The following PEG3 variants were observed in gnomAD, a reference collection of about 807,000 sequenced individuals.
PEG3 encodes paternally-expressed gene 3 protein.
PEG3 carries 23 observed loss-of-function variants against 35.5 expected under a neutral mutation model. The ratio of observed to expected loss-of-function variants is 0.65; its 90% CI spans 0.47 to 0.92. The LOEUF (loss-of-function observed/expected upper bound fraction) is 0.92. PEG3 is among the 40% of genes least tolerant of loss of function. The pLI is 0.00. For synonymous variants in PEG3, 707 were observed against 697.0 expected (o/e 1.01, Z -0.23); for missense variants, 1,960 against 1,985.3 (o/e 0.99, Z 0.24).
chr19:56,831,676 C>A lies in PEG3; in HGVS notation c.-163+4342G>T, dbSNP rs113229853. On this transcript the variant is annotated intron_variant, in intron 2 of 9. Transcript: ENST00000326441. The stretch of plus-strand genomic sequence containing the variant: ...AAGTATTTAGCAAAATGTTACATAA[C>A]CATTAAGTCGTGTTGTCAAGGAATG... Among the ~76,000 whole-genome samples, 1,349 of 152,296 alleles carry A rather than the reference C, an allele frequency of 8.9e-3. 19 individuals carry two copies. The highest frequency in any genetic ancestry group is 0.03 in the African/African-American group (1,234 of 41,554).
chr19:56,822,940 C>A, intron 5 of PEG3, 104 bp from the exon 6 acceptor site: 1 of 1,462,674 alleles, frequency 6.8e-7, no homozygotes, highest in Non-Finnish European at 9.3e-7. Context: ...ACCCTCTTCC[C>A]ACAAGGAGAT....
chr19:56,821,499 T>C, intron 7 of PEG3, 152 bp downstream of exon 7: 2 of 893,258 alleles, frequency 2.2e-6, no homozygotes, highest in South Asian at 3.4e-5. Flanking sequence ...ACTTGTCACC[T>C]AAGGGATGGG....
chr19:56,821,998 T>C (rs964595451), intron 6 of PEG3, among the ~76,000 whole-genome samples: 1 of 152,018 alleles, frequency 6.6e-6, no homozygotes, highest in African/African-American at 2.4e-5. Flanking sequence ...CGGAGGTGGT[T>C]CAGATTGTGC....
rs375493638 is a variant in PEG3 at position 56,832,162 on chromosome 19, A to G, written c.-163+3856T>C. On this transcript the variant is annotated intron_variant, in intron 2 of 9. Transcript: ENST00000326441. ...ATTTAAAATGTTATTTTAACTTCGC[A>G]ATCAGGAAAAAAACTGAATATAAAA... 3.3e-5 allele frequency among the ~76,000 whole-genome samples: 5 copies of G among 152,308 alleles called. No individual in the cohort carries two copies. In the South Asian group the frequency reaches 1.0e-3, roughly 32 times the overall value.
At position 56,814,667 on chromosome 19, in the gene PEG3, C is replaced by T. The variant is rs1323199478; in HGVS notation, c.3775G>A (p.Ala1259Thr). 1 of 1,614,092 alleles carries T rather than the reference C, an allele frequency of 6.2e-7. No homozygotes were observed. The highest frequency in any genetic ancestry group is 1.7e-5 in the Admixed American group (1 of 60,016). The change falls in exon 10 of 10, where the codon GCT becomes ACT. Residue 1259 changes from alanine to threonine, a missense_variant. Ala to Thr is a moderately conservative substitution (Grantham distance 58). Transcript: ENST00000326441. The surrounding 1 kb of genome is among the most constrained non-coding windows in gnomAD (Gnocchi z 5.8). ...AAGCCTGGAATGATAGCTTCCTCAG[C>T]CATCTGGCTCTGCTCCAGTAAATCA... is the stretch of plus-strand genomic sequence containing the variant. ...EDDLLEQSQM[A>T]EEAIIPGLAL... is the part of the protein sequence containing the mutation.
chr19:56,824,449 G>T lies in PEG3; in HGVS notation c.207C>A (p.Asn69Lys). The change falls in exon 4 of 10, where the codon AAC becomes AAA. Residue 69 changes from asparagine (N) to lysine (K), a missense_variant. Around this residue, in one of 5 missense-constraint regions of PEG3, gnomAD observed 613 missense variants for 577.1 expected, o/e 1.06. Coordinates refer to ENST00000326441, the MANE Select transcript of PEG3 (RefSeq NM_006210.3). Reference sequence around the variant, plus strand: ...CCGGCTGCAACCAATCGAGGCAGAGGTTTCGGAGTTTGATCAGGGTCTTCC... The same window carrying T: ...CCGGCTGCAACCAATCGAGGCAGAGTTTTCGGAGTTTGATCAGGGTCTTCC... ...GPRKTLIKLR[N>K]LCLDWLQPET... 1 of 1,614,126 alleles carries T rather than the reference G, an allele frequency of 6.2e-7. No homozygotes were observed. Among genetic ancestry groups the T allele is most frequent in the Non-Finnish European group, 8.5e-7 (1 of 1,180,020 alleles).
In PEG3 at chr19:56,816,171, A is replaced by G. The variant is rs1047946361; in HGVS notation, c.2271T>C (p.Tyr757=). Residue 757 remains tyrosine, a synonymous_variant, in exon 10 of 10, where the codon TAT becomes TAC. Coordinates refer to ENST00000326441, the MANE Select transcript of PEG3 (RefSeq NM_006210.3). ...EKAFTISSNP[Y]ENQKIPTKEN... is the part of the protein sequence containing the mutation. ...CCTTAGTGGGAATCTTCTGGTTTTC[A>G]TAGGGGTTAGAGCTAATGGTGAACG... 14 of 1,614,090 alleles carry G rather than the reference A, an allele frequency of 8.7e-6. No individual in the cohort carries two copies. Among genetic ancestry groups the G allele is most frequent in the Non-Finnish European group, 1.2e-5 (14 of 1,179,970 alleles).
Position 56,817,606 on chromosome 19 carries a change from C to T in PEG3, c.863-27G>A, listed in dbSNP as rs778168866. ...TGGAAAGAAACCCCAAATGTAAATA[C>T]TCCCTAGTCCCCATAAGAAGGACAG... is the stretch of plus-strand genomic sequence containing the variant. On this transcript the variant is annotated intron_variant, in intron 9 of 9. Coordinates refer to ENST00000326441, the MANE Select transcript of PEG3 (RefSeq NM_006210.3). 18 of 1,554,826 alleles carry T rather than the reference C, an allele frequency of 1.2e-5. 1 individual carries two copies. Among genetic ancestry groups the T allele is most frequent in the East Asian group, 6.8e-5 (3 of 44,416 alleles).
rs2059568107 is a variant in PEG3 at position 56,811,944 on chromosome 19, T to C, written c.*1731A>G. On this transcript the variant is annotated 3_prime_UTR_variant, in exon 10 of 10. Transcript: ENST00000326441. The stretch of plus-strand genomic sequence containing the variant: ...CCTTCTTTGACTCACTCATTTCTGC[T>C]TCTTGCTCTCAGCTCTACAATCTTC... The C allele has an allele frequency of 2.0e-6, 2 of 985,246 alleles. No homozygotes were observed. Among genetic ancestry groups the C allele is most frequent in the Non-Finnish European group, 1.2e-6 (1 of 829,900 alleles). 61.0% of individuals were successfully genotyped at this position (985,246 alleles called of 1,614,324 possible).
At position 56,811,609 on chromosome 19, in the gene PEG3, C is replaced by G. The variant is rs534107764; in HGVS notation, c.*2066G>C. ...TCTGAAAAGGGGCTACCACTGCCAA[C>G]AATGTTAACACCAAGTAATGTACCC... On this transcript the variant is annotated 3_prime_UTR_variant, in exon 10 of 10. Coordinates refer to ENST00000326441, the MANE Select transcript of PEG3 (RefSeq NM_006210.3). 1.0e-6 allele frequency: 1 copy of G among 985,388 alleles called. No homozygotes were observed. Among genetic ancestry groups the G allele is most frequent in the East Asian group, 1.1e-4 (1 of 8,806 alleles). 61.0% of individuals were successfully genotyped at this position (985,388 alleles called of 1,614,324 possible).
rs770366419 is a variant in PEG3 at position 56,815,246 on chromosome 19, C to T, written c.3196G>A (p.Glu1066Lys). ...EKSHGEESQG[E>K]NTDGEETHSE... ...TGGGTCTCCTCCCCATCAGTATTCT[C>T]GCCTTGAGACTCCTCGCCATGAGAC... Residue 1066 changes from glutamate (E) to lysine (K), a missense_variant, in exon 10 of 10, where the codon GAG (glutamate) becomes AAG (lysine). Around this residue, in one of 5 missense-constraint regions of PEG3, gnomAD observed 798 missense variants for 782.4 expected, o/e 1.02. Coordinates refer to ENST00000326441, the MANE Select transcript of PEG3 (RefSeq NM_006210.3). 16 of 1,614,076 alleles carry T rather than the reference C, an allele frequency of 9.9e-6. No homozygotes were observed. In the East Asian group the frequency reaches 2.0e-4, roughly 20 times the overall value.
intron 2 of PEG3, among the ~76,000 whole-genome samples, chr19:56,834,337 C>T (rs1200958782): frequency 1.3e-5 from 2 of 152,122 alleles, no homozygotes; most frequent in African/African-American, 4.8e-5. Flanking sequence ...TTCACTGTGA[C>T]AACATGGCTG....
chr19:56,836,707 G>A (rs999989338), intron 1 of PEG3, among the ~76,000 whole-genome samples: 5 of 152,140 alleles, frequency 3.3e-5, no homozygotes, highest in African/African-American at 1.2e-4. Flanking sequence ...AGTGACTCGC[G>A]CCTGTAATCC....
intron 7 of PEG3, among the ~76,000 whole-genome samples, chr19:56,819,898 C>T (rs1398584538): frequency 6.6e-6 from 1 of 152,032 alleles, no homozygotes; most frequent in Non-Finnish European, 1.5e-5. Flanking sequence ...CAAAGAGGTA[C>T]GGGTATCTGG....
At position 56,817,566 on chromosome 19, in the gene PEG3, C is replaced by T. The variant is rs370569730; in HGVS notation, c.876G>A (p.Met292Ile). 2.5e-6 allele frequency: 4 copies of T among 1,590,826 alleles called. No homozygotes were observed. The highest frequency in any genetic ancestry group is 1.3e-5 in the African/African-American group (1 of 74,110). ...GGTGGGTTGATTTTTTGGCTTCAGG[C>T]ATAGTTTTTAGACCTGGAAAGAAAC... The part of the protein sequence containing the change: ...YPSTSRGLKT[M>I]PEAKKSTHRR... The change falls in exon 10 of 10, where the codon ATG (methionine) becomes ATA (isoleucine). Residue 292 changes from methionine to isoleucine, a missense_variant. This residue lies in a region of PEG3 where 613 missense variants were observed against 577.1 expected (regional missense o/e 1.06). Coordinates refer to ENST00000326441, the MANE Select transcript of PEG3 (RefSeq NM_006210.3).
chr19:56,828,708 C>A (rs1271875963), intron 2 of PEG3, among the ~76,000 whole-genome samples: 1 of 152,074 alleles, frequency 6.6e-6, no homozygotes, highest in African/African-American at 2.4e-5. Context: ...AGGCTTTTGG[C>A]ATTAGGAAAA....
At position 56,810,690 on chromosome 19, in the gene PEG3, T is replaced by C. The variant is rs964169942; in HGVS notation, c.*2985A>G. 2.0e-6 allele frequency: 2 copies of C among 980,242 alleles called. No homozygotes were observed. Among genetic ancestry groups the C allele is most frequent in the South Asian group, 9.4e-5 (2 of 21,170 alleles). 60.7% of individuals were successfully genotyped at this position (980,242 alleles called of 1,614,324 possible). ...CACAATGACAACACTATTTTAGTTA[T>C]TTTCCACATCTTTTCATTTAAGACT... On this transcript the variant is annotated 3_prime_UTR_variant, in exon 10 of 10. Coordinates refer to ENST00000326441, the MANE Select transcript of PEG3 (RefSeq NM_006210.3).
intron 2 of PEG3, among the ~76,000 whole-genome samples, chr19:56,832,113 GTC>G (rs976332519): frequency 3.3e-5 from 5 of 152,130 alleles, no homozygotes; most frequent in Non-Finnish European, 7.4e-5. Context: ...ATAATAACAA[GTC>G]TCTGTTTCTT....
intron 2 of PEG3, among the ~76,000 whole-genome samples, chr19:56,835,415 T>C (rs895256851): frequency 6.6e-6 from 1 of 152,032 alleles, no homozygotes; most frequent in Non-Finnish European, 1.5e-5. Context: ...TCTCTCTGCA[T>C]CTCTCAACAA....
Sources: gnomAD v4.1 joint callset for allele counts (sites outside exome capture counted in the v4.1 genomes callset) on GRCh38, gnomAD v4.1.1 for gene constraint, gnomAD v4.1.1 regional missense constraint, Gnocchi (gnomAD v3.1) non-coding constraint, MANE v1.5 for transcripts, NCBI Gene and HGNC (gene_info 2026-07-23, HGNC 2026-07-21) for gene names.